Variants in SPATS2L observed in about 807,000 individuals in gnomAD.
The protein encoded by SPATS2L is SPATS2-like protein.
SPATS2L carries 30 observed loss-of-function variants against 59.6 expected under a neutral mutation model. The observed-to-expected ratio is 0.50, with a 90% CI of 0.38 to 0.68. The LOEUF is 0.68. Among genes scored for constraint, SPATS2L ranks in the 30% least tolerant of loss-of-function variants. The pLI is 0.00. For synonymous variants in SPATS2L, 252 were observed against 263.5 expected (o/e 0.96, Z 0.42); for missense variants, 615 against 700.0 (o/e 0.88, Z 1.37).
At chr2:200,417,933 T>A (rs1271619293) in intron 5 of SPATS2L, among the ~76,000 whole-genome samples, 9 of 152,162 alleles carry the variant, frequency 5.9e-5, no homozygotes, top group Middle Eastern at 3.2e-3. Context: ...ATACTGCTTG[T>A]TGAGTACACT....
chr2:200,323,199 T>C (rs535930090), intron 1 of SPATS2L, among the ~76,000 whole-genome samples: 2 of 152,324 alleles, frequency 1.3e-5, no homozygotes, highest in African/African-American at 4.8e-5. Flanking sequence ...GGCTCCATTG[T>C]GTGGTAGCTG....
rs148965098 is a variant in SPATS2L at position 200,417,893 on chromosome 2, C to T, written c.199-1357C>T. 1.8e-4 allele frequency among the ~76,000 whole-genome samples: 27 copies of T among 152,252 alleles called. No homozygotes were observed. In the East Asian group the frequency reaches 4.8e-3, roughly 27 times the overall value. On this transcript the variant is annotated intron_variant, in intron 5 of 12. Coordinates refer to ENST00000409140, the MANE Select transcript of SPATS2L (RefSeq NM_001100423.2). ...GGACAGGGTCTTTCTTATGGGTCGGCGTCTGTTCTGATTGGCCGGGGCTGG... is the reference window on the plus strand; with the variant it reads ...GGACAGGGTCTTTCTTATGGGTCGGTGTCTGTTCTGATTGGCCGGGGCTGG...
At chr2:200,465,572 T>G (rs1194664536) in intron 9 of SPATS2L, among the ~76,000 whole-genome samples, 1 of 152,204 alleles carries the variant, frequency 6.6e-6, no homozygotes, top group Admixed American at 6.5e-5. Flanking sequence ...AGAAAGACTA[T>G]TAGGCACAGA....
At position 200,329,416 on chromosome 2, in the gene SPATS2L, T is replaced by C. The variant is rs757554228; in HGVS notation, c.-72-15T>C. The stretch of plus-strand genomic sequence containing the variant: ...TTGAGACCTGCCTGACTTCCCAAAT[T>C]TCCATTTTTCCTAGAGCTCTTCAGA... On this transcript the variant is annotated splice_polypyrimidine_tract_variant and intron_variant, in intron 1 of 12. Coordinates refer to ENST00000409140, the MANE Select transcript of SPATS2L (RefSeq NM_001100423.2). The C allele has an allele frequency of 1.3e-6, 2 of 1,550,234 alleles. No individual in the cohort carries two copies. Among genetic ancestry groups the C allele is most frequent in the South Asian group, 2.4e-5 (2 of 84,042 alleles).
At chr2:200,414,372 T>C (rs1268173117) in intron 4 of SPATS2L, among the ~76,000 whole-genome samples, 1 of 152,202 alleles carries the variant, frequency 6.6e-6, no homozygotes, top group African/African-American at 2.4e-5. Context: ...AGGTTCCTCA[T>C]ACCTGTAACC....
chr2:200,363,668 G>C (rs1373092260), intron 2 of SPATS2L, among the ~76,000 whole-genome samples: 1 of 152,198 alleles, frequency 6.6e-6, no homozygotes, highest in Non-Finnish European at 1.5e-5. Flanking sequence ...TTGAAAATAT[G>C]TTTCATAGCT....
rs2087689221 is a variant in SPATS2L at position 200,478,352 on chromosome 2, C to G, written c.*321C>G. 4.6e-6 allele frequency: 1 copy of G among 215,740 alleles called. No individual in the cohort carries two copies. Among genetic ancestry groups the G allele is most frequent in the Non-Finnish European group, 9.0e-6 (1 of 110,716 alleles). The allele number at this position is 215,740 out of a possible 1,614,324, so 13.4% of individuals were successfully genotyped here. On this transcript the variant is annotated 3_prime_UTR_variant, in exon 13 of 13. Coordinates refer to ENST00000409140, the MANE Select transcript of SPATS2L (RefSeq NM_001100423.2). ...GCAACCTGTGTTGTAGCAGTGATGT[C>G]AGTCCATTGATTGTCTTTAGAGAGT...
chr2:200,458,131 A>G (rs2085980793), intron 8 of SPATS2L, among the ~76,000 whole-genome samples: 1 of 152,216 alleles, frequency 6.6e-6, no homozygotes, highest in South Asian at 2.1e-4. Context: ...CATTCATCCT[A>G]CCTTACCTAT....
intron 3 of SPATS2L, among the ~76,000 whole-genome samples, chr2:200,411,574 A>G (rs926127947): frequency 6.6e-6 from 1 of 152,234 alleles, no homozygotes; most frequent in East Asian, 1.9e-4. Context: ...AGTTATTGCA[A>G]GTACTGTGAG....
intron 2 of SPATS2L, among the ~76,000 whole-genome samples, chr2:200,347,639 A>C (rs1366871729): frequency 6.6e-6 from 1 of 152,172 alleles, no homozygotes; most frequent in Non-Finnish European, 1.5e-5. Context: ...CTCAGGTTGG[A>C]GGCAGCTTCA....
intron 2 of SPATS2L, among the ~76,000 whole-genome samples, chr2:200,379,351 C>T (rs1027233630): frequency 6.6e-6 from 1 of 152,130 alleles, no homozygotes; most frequent in Non-Finnish European, 1.5e-5. Flanking sequence ...ATTCTGAGAA[C>T]AAAAGGAGTT....
At chr2:200,473,329 A>G (rs2881745) in intron 12 of SPATS2L, among the ~76,000 whole-genome samples, 144,052 of 152,196 alleles carry the variant, frequency 0.95, 68,672 homozygotes, top group East Asian at 1. Context: ...CCAGTGACAC[A>G]GTTCTTCTCA....
At chr2:200,396,033 A>ATAAATATAT (rs1172186726) in intron 3 of SPATS2L, among the ~76,000 whole-genome samples, 2 of 21,138 alleles carry the variant, frequency 9.5e-5, no homozygotes, top group African/African-American at 1.5e-4. Context: ...AAAAAAAAAA[A>ATAAATATAT]ATATATATAT....
chr2:200,471,480 A>G (rs1417248091), intron 11 of SPATS2L, among the ~76,000 whole-genome samples: 2 of 152,098 alleles, frequency 1.3e-5, no homozygotes, highest in African/African-American at 2.4e-5. Flanking sequence ...GAGCACTTCA[A>G]GTGCCATCTA....
rs2087734096 is a variant in SPATS2L at position 200,479,748 on chromosome 2, C to G, written c.*1717C>G. ...CATTTTTTCTGGCAACCCAGGTTCA[C>G]TGGTTCTCTTCCACAGAGCGGCCCT... is the stretch of plus-strand genomic sequence containing the variant. On this transcript the variant is annotated 3_prime_UTR_variant, in exon 13 of 13. Coordinates refer to ENST00000409140, the MANE Select transcript of SPATS2L (RefSeq NM_001100423.2). 5.0e-6 allele frequency: 2 copies of G among 398,540 alleles called. No homozygotes were observed. The highest frequency in any genetic ancestry group is 8.8e-6 in the Non-Finnish European group (2 of 226,110). The allele number at this position is 398,540 out of a possible 1,614,324, so 24.7% of individuals were successfully genotyped here.
In SPATS2L at chr2:200,404,324, G is replaced by C. The variant is rs531486285; in HGVS notation, c.40-7987G>C. On this transcript the variant is annotated intron_variant, in intron 3 of 12. Coordinates refer to ENST00000409140, the MANE Select transcript of SPATS2L (RefSeq NM_001100423.2). ...GTCTGGGTTAATGAAAGAAAGAATA[G>C]GGAGCAGGTAAGATTCAGAGAGAAC... is the stretch of plus-strand genomic sequence containing the variant. Among the ~76,000 whole-genome samples the C allele has an allele frequency of 4.6e-5, 7 of 152,342 alleles. No individual in the cohort carries two copies. The East Asian group carries it at 1.3e-3, about 29-fold the overall frequency.
intron 8 of SPATS2L, among the ~76,000 whole-genome samples, chr2:200,457,440 C>T (rs1374509985): frequency 6.6e-6 from 1 of 152,168 alleles, no homozygotes; most frequent in Non-Finnish European, 1.5e-5. Context: ...AGGAGGGGAA[C>T]TGAGTAAGTT....
intron 6 of SPATS2L, among the ~76,000 whole-genome samples, chr2:200,437,170 A>G (rs531469940): frequency 6.6e-6 from 1 of 152,306 alleles, no homozygotes; most frequent in East Asian, 1.9e-4. Flanking sequence ...AAAATTACCC[A>G]GGCTCAAGTA....
chr2:200,460,020 T>TA (rs2086123848), intron 9 of SPATS2L, among the ~76,000 whole-genome samples, 193 bp downstream of exon 9: 1 of 152,176 alleles, frequency 6.6e-6, no homozygotes, highest in East Asian at 1.9e-4. Flanking sequence ...GGCAAAAAGA[T>TA]ACAGTTGTAA....
Sources: gnomAD v4.1 joint callset for allele counts (sites outside exome capture counted in the v4.1 genomes callset) on GRCh38, gnomAD v4.1.1 for gene constraint, MANE v1.5 for transcripts, NCBI Gene and HGNC (gene_info 2026-07-23, HGNC 2026-07-21) for gene names.